The following MAN1A1 variants were observed in gnomAD, a reference collection of about 807,000 sequenced individuals.
MAN1A1 encodes the protein mannosyl-oligosaccharide 1,2-alpha-mannosidase IA.
In MAN1A1, 29 loss-of-function variants were observed where a neutral mutation model predicts 70.8. That is an observed-to-expected ratio of 0.41 (90% CI 0.31 to 0.56). The LOEUF (loss-of-function observed/expected upper bound fraction) is 0.56, where lower values mean the gene tolerates loss of function less well. MAN1A1 is among the 20% of genes least tolerant of loss of function. MAN1A1 has a pLI of 0.29. For missense variants in MAN1A1, 747 were observed against 841.3 expected (o/e 0.89, Z 1.39); for synonymous variants, 349 against 330.1 (o/e 1.06, Z -0.62).
chr6:119,259,830 C>A (rs1316753708), intron 5 of MAN1A1, among the ~76,000 whole-genome samples: 1 of 152,056 alleles, frequency 6.6e-6, no homozygotes, highest in East Asian at 1.9e-4. Context: ...TTCTCTTTTT[C>A]CCCATGCCAA....
At chr6:119,288,583 G>A (rs567838638) in intron 5 of MAN1A1, among the ~76,000 whole-genome samples, 5 of 151,896 alleles carry the variant, frequency 3.3e-5, no homozygotes, top group African/African-American at 1.2e-4. Flanking sequence ...AAAATCAATT[G>A]TCAGGGTCTA....
At chr6:119,330,166 CCTCAAGATTGGCAT>C (rs146142237) in intron 2 of MAN1A1, among the ~76,000 whole-genome samples, 1,769 of 152,262 alleles carry the variant, frequency 0.012, 34 homozygotes, top group African/African-American at 0.04. Flanking sequence ...AGTTTGATGG[CCTCAAGATTGGCAT>C]CTCTAGCCTA....
At chr6:119,247,486 C>T (rs9489633) in intron 6 of MAN1A1, among the ~76,000 whole-genome samples, 1 of 152,112 alleles carries the variant, frequency 6.6e-6, no homozygotes, top group East Asian at 1.9e-4. Flanking sequence ...TCATCATTAT[C>T]ACAGAGAGGT....
intron 6 of MAN1A1, among the ~76,000 whole-genome samples, chr6:119,221,965 T>C (rs557064246): frequency 2.6e-5 from 4 of 152,318 alleles, no homozygotes; most frequent in African/African-American, 4.8e-5. Flanking sequence ...GGAAATTATT[T>C]TGAAGAAGTC....
At position 119,319,384 on chromosome 6, in the gene MAN1A1, A is replaced by ATC. The variant is rs1554215450; in HGVS notation, c.604-12393_604-12392insGA. The stretch of plus-strand genomic sequence containing the variant: ...AAATAATAATAATAATAATAATAAT[A>ATC]ATAATAATCATCATCATCATCATTC... On this transcript the variant is annotated intron_variant, in intron 2 of 12. Transcript: ENST00000368468. 3.5e-3 allele frequency among the ~76,000 whole-genome samples: 500 copies of ATC among 144,274 alleles called. 1 individual carries two copies. Among genetic ancestry groups the ATC allele is most frequent in the African/African-American group, 7.1e-3 (273 of 38,250 alleles). 94.6% of individuals were successfully genotyped at this position (144,274 alleles called of 152,430 possible). A position where few individuals can be genotyped will look rare whatever the true frequency, so the allele number is the denominator to read the frequency against.
At chr6:119,301,673 T>C (rs1212409099) in intron 4 of MAN1A1, among the ~76,000 whole-genome samples, 1 of 152,158 alleles carries the variant, frequency 6.6e-6, no homozygotes, top group African/African-American at 2.4e-5. Context: ...GGTTAAGATG[T>C]TTAATATACA....
intron 6 of MAN1A1, among the ~76,000 whole-genome samples, chr6:119,225,088 G>A (rs1350480726): frequency 6.6e-6 from 1 of 151,952 alleles, no homozygotes; most frequent in African/African-American, 2.4e-5. Flanking sequence ...AGGTTGCAGT[G>A]AGCCAAGATT....
Position 119,325,520 on chromosome 6 carries a change from G to T in MAN1A1, c.604-18528C>A, listed in dbSNP as rs186994820. On this transcript the variant is annotated intron_variant, in intron 2 of 12. Transcript: ENST00000368468. ...AAAAATACAAAAATTAGCCAGGTGT[G>T]GTGGCATGCACCTGTAATCCCAGCT... 1.7e-4 allele frequency among the ~76,000 whole-genome samples: 26 copies of T among 152,184 alleles called. No homozygotes were observed. In the East Asian group the frequency reaches 2.5e-3, roughly 15 times the overall value.
intron 5 of MAN1A1, among the ~76,000 whole-genome samples, chr6:119,265,390 A>C (rs1388377460): frequency 6.6e-6 from 1 of 152,200 alleles, no homozygotes; most frequent in East Asian, 1.9e-4. Context: ...TGAGCCACTG[A>C]GCCTGGCCTC....
At chr6:119,339,050 C>T (rs919552113) in intron 2 of MAN1A1, among the ~76,000 whole-genome samples, 1 of 152,172 alleles carries the variant, frequency 6.6e-6, no homozygotes, top group African/African-American at 2.4e-5. Context: ...ATCTATACAA[C>T]TCACAAGGAA....
intron 2 of MAN1A1, chr6:119,327,303 T>C (rs947642246): frequency 6.6e-6 from 1 of 151,700 alleles, no homozygotes; most frequent in African/African-American, 2.4e-5. Context: ...TCAACATGTA[T>C]GAACACTGGA....
chr6:119,214,649 C>T (rs779806275), intron 6 of MAN1A1, among the ~76,000 whole-genome samples: 1 of 152,018 alleles, frequency 6.6e-6, no homozygotes, highest in East Asian at 1.9e-4. Flanking sequence ...CCTCCTGAGG[C>T]GCATACCACC....
intron 2 of MAN1A1, chr6:119,331,988 T>C: frequency 2.0e-6 from 1 of 506,558 alleles, no homozygotes. Flanking sequence ...TGCTTGCCCC[T>C]TCCTGGCTTC....
chr6:119,285,056 CAGA>C (rs10553788), intron 5 of MAN1A1, among the ~76,000 whole-genome samples: 57,065 of 151,172 alleles, frequency 0.38, 11,206 homozygotes, highest in Non-Finnish European at 0.41. Flanking sequence ...ACAATCATGG[CAGA>C]AGGTGAAGAG....
In MAN1A1 at chr6:119,348,515, C is replaced by T. The variant is rs768644284; in HGVS notation, c.551G>A (p.Ser184Asn). The T allele has an allele frequency of 1.9e-5, 31 of 1,611,500 alleles. No homozygotes were observed. In the Admixed American group the frequency reaches 5.2e-4, roughly 27 times the overall value. ...VDFVPPIGVESREPADAAIRE... is the reference protein window; with the variant it reads ...VDFVPPIGVENREPADAAIRE... ...GATGGCGGCGTCGGCGGGCTCCCGG[C>T]TCTCCACCCCGATTGGGGGCACGAA... Residue 184 changes from serine to asparagine, a missense_variant, in exon 2 of 13, where the codon AGC (serine) becomes AAC (asparagine). Coordinates refer to ENST00000368468, the MANE Select transcript of MAN1A1 (RefSeq NM_005907.4).
intron 2 of MAN1A1, among the ~76,000 whole-genome samples, chr6:119,307,341 C>A (rs1159029094): frequency 6.6e-6 from 1 of 152,100 alleles, no homozygotes; most frequent in East Asian, 1.9e-4. Context: ...ATTTTCATAA[C>A]AGATTAAATC....
intron 2 of MAN1A1, among the ~76,000 whole-genome samples, chr6:119,335,312 G>A (rs926538694): frequency 1.3e-5 from 2 of 152,136 alleles, no homozygotes; most frequent in Non-Finnish European, 2.9e-5. Flanking sequence ...TACATGCCAG[G>A]CATTGCGCTG....
intron 6 of MAN1A1, among the ~76,000 whole-genome samples, chr6:119,214,292 C>A (rs979603618): frequency 2.7e-4 from 41 of 152,124 alleles, no homozygotes; most frequent in Admixed American, 2.4e-3. Flanking sequence ...TAAGAATAAT[C>A]AAAATGGGGC....
At chr6:119,233,071 T>C (rs1416405596) in intron 6 of MAN1A1, among the ~76,000 whole-genome samples, 1 of 152,186 alleles carries the variant, frequency 6.6e-6, no homozygotes, top group Non-Finnish European at 1.5e-5. Context: ...AAACTCAGAT[T>C]AGTGAATTCT....
Sources: gnomAD v4.1 joint callset for allele counts (sites outside exome capture counted in the v4.1 genomes callset) on GRCh38, gnomAD v4.1.1 for gene constraint, MANE v1.5 for transcripts, NCBI Gene and HGNC (gene_info 2026-07-23, HGNC 2026-07-21) for gene names.